ANKS1B: variants seen among roughly 807,000 people sequenced by gnomAD.
ANKS1B encodes the protein ankyrin repeat and sterile alpha motif domain-containing protein 1B.
A neutral mutation model predicts 148.3 loss-of-function variants in ANKS1B; 36 were observed. The ratio of observed to expected loss-of-function variants is 0.24; its 90% CI spans 0.19 to 0.32. The LOEUF (loss-of-function observed/expected upper bound fraction) is 0.32. Among genes scored for constraint, ANKS1B ranks in the 10% least tolerant of loss-of-function variants. ANKS1B has a pLI of 1.00. For missense variants in ANKS1B, 1,157 were observed against 1,542.6 expected (o/e 0.75, Z 4.19); for synonymous variants, 542 against 560.8 (o/e 0.97, Z 0.47).
chr12:99,260,020 T>G lies in ANKS1B; in HGVS notation c.1757-13156A>C, dbSNP rs11109784. 3.5e-3 allele frequency among the ~76,000 whole-genome samples: 536 copies of G among 152,278 alleles called. 17 individuals are homozygous for G. In the East Asian group the frequency reaches 0.066, roughly 19 times the overall value. On this transcript the variant is annotated intron_variant, in intron 12 of 26. Coordinates refer to ENST00000683438, the MANE Select transcript of ANKS1B (RefSeq NM_001352186.2). ...AATGTATTTCTTTGTAATACCACAG[T>G]CACTGTAACCATGTATTTTCCTCAT...
At chr12:99,497,571 T>C (rs2096616240) in intron 10 of ANKS1B, among the ~76,000 whole-genome samples, 1 of 152,166 alleles carries the variant, frequency 6.6e-6, no homozygotes, top group African/African-American at 2.4e-5. Context: ...TTGTCTTCCC[T>C]CTATGGGTGC....
intron 1 of ANKS1B, among the ~76,000 whole-genome samples, chr12:99,903,698 C>T (rs1004341366): frequency 6.6e-6 from 1 of 151,508 alleles, no homozygotes; most frequent in South Asian, 2.1e-4. Flanking sequence ...TACAAAGTTG[C>T]CAAATAAGAA....
At chr12:99,014,925 T>C (rs2099941505) in intron 17 of ANKS1B, among the ~76,000 whole-genome samples, 1 of 152,194 alleles carries the variant, frequency 6.6e-6, no homozygotes, top group Non-Finnish European at 1.5e-5. Context: ...GGTGTGAGTA[T>C]AAACTAGTTC....
At chr12:99,349,844 C>T (rs2091193693) in intron 12 of ANKS1B, among the ~76,000 whole-genome samples, 1 of 151,934 alleles carries the variant, frequency 6.6e-6, no homozygotes, top group African/African-American at 2.4e-5. Flanking sequence ...TAGAGAAATA[C>T]AGAACATTCT....
chr12:99,581,897 C>CAAAAAAAAAAAAA (rs369048602), intron 9 of ANKS1B, among the ~76,000 whole-genome samples: 9 of 60,240 alleles, frequency 1.5e-4, no homozygotes, highest in African/African-American at 2.3e-4. Context: ...GACTCCGTCT[C>CAAAAAAAAAAAAA]AAAAAAAAAA....
At chr12:98,951,468 T>A (rs2099854021) in intron 17 of ANKS1B, among the ~76,000 whole-genome samples, 1 of 152,214 alleles carries the variant, frequency 6.6e-6, no homozygotes, top group African/African-American at 2.4e-5. Flanking sequence ...TAAACCATCT[T>A]CAGCACAGCT....
rs1020796652 is a variant in ANKS1B at position 99,670,606 on chromosome 12, G to A, written c.1129-15396C>T. On this transcript the variant is annotated intron_variant, in intron 8 of 26. Coordinates refer to ENST00000683438, the MANE Select transcript of ANKS1B (RefSeq NM_001352186.2). ...ATGTCATAAACTCTGAACTCAAGGTGTAAAGACACATATCTATACATAACT... is the reference window on the plus strand; with the variant it reads ...ATGTCATAAACTCTGAACTCAAGGTATAAAGACACATATCTATACATAACT... Among the ~76,000 whole-genome samples, 6 of 152,108 alleles carry A rather than the reference G, an allele frequency of 3.9e-5. No homozygotes were observed. The South Asian group carries it at 1.0e-3, about 26-fold the overall frequency.
intron 12 of ANKS1B, among the ~76,000 whole-genome samples, chr12:99,362,934 C>T (rs574525199): frequency 1.8e-4 from 27 of 151,748 alleles, no homozygotes; most frequent in Non-Finnish European, 1.9e-4. Flanking sequence ...AGATAAATAC[C>T]CAAAGCAAGT....
chr12:99,849,032 G>C (rs2087220499), intron 1 of ANKS1B, among the ~76,000 whole-genome samples: 1 of 152,002 alleles, frequency 6.6e-6, no homozygotes, highest in Non-Finnish European at 1.5e-5. Flanking sequence ...TAGATACTGG[G>C]AAATAAAGAG....
chr12:99,426,834 C>T (rs554653201), intron 11 of ANKS1B, among the ~76,000 whole-genome samples: 1 of 152,188 alleles, frequency 6.6e-6, no homozygotes, highest in South Asian at 2.1e-4. Flanking sequence ...ACATTTGATC[C>T]TTGCTCCCCA....
At chr12:98,884,805 CAAAAAAAAAAAAA>C (rs35160751) in intron 17 of ANKS1B, among the ~76,000 whole-genome samples, 869 of 83,814 alleles carry the variant, frequency 0.01, 5 homozygotes, top group Non-Finnish European at 0.016. Flanking sequence ...GACTCCGTCT[CAAAAAAAAAAAAA>C]AAAAAAAGAA....
At chr12:99,018,853 G>C (rs2099944073) in intron 17 of ANKS1B, among the ~76,000 whole-genome samples, 1 of 152,188 alleles carries the variant, frequency 6.6e-6, no homozygotes, top group Admixed American at 6.5e-5. Flanking sequence ...TGAGGCAGGA[G>C]AATCATTTGA....
intron 12 of ANKS1B, among the ~76,000 whole-genome samples, chr12:99,285,085 C>T (rs571506743): frequency 1.3e-5 from 2 of 152,094 alleles, no homozygotes; most frequent in Non-Finnish European, 2.9e-5. Flanking sequence ...CCAAAAATTT[C>T]CTTTTACCCT....
chr12:99,694,126 A>G (rs2053544622), intron 8 of ANKS1B, among the ~76,000 whole-genome samples: 1 of 149,746 alleles, frequency 6.7e-6, no homozygotes, highest in African/African-American at 2.5e-5. Flanking sequence ...ATAATTTTCT[A>G]TAAAAGCATT....
intron 17 of ANKS1B, among the ~76,000 whole-genome samples, chr12:98,957,371 G>C (rs888854932): frequency 2.1e-5 from 3 of 144,852 alleles, no homozygotes; most frequent in African/African-American, 7.6e-5. Context: ...ATTTTGAGAC[G>C]GAGTCTCTCT....
intron 12 of ANKS1B, among the ~76,000 whole-genome samples, chr12:99,302,521 T>A (rs1011701602): frequency 1.3e-5 from 2 of 152,094 alleles, no homozygotes; most frequent in African/African-American, 4.8e-5. Flanking sequence ...TCAATAGAGA[T>A]CATGTTATTC....
intron 12 of ANKS1B, among the ~76,000 whole-genome samples, chr12:99,384,308 G>A (rs2093769627): frequency 6.6e-6 from 1 of 152,082 alleles, no homozygotes; most frequent in African/African-American, 2.4e-5. Flanking sequence ...TAACCACGGT[G>A]AGCCTACTCT....
chr12:99,749,816 A>T (rs2060937127), intron 8 of ANKS1B, among the ~76,000 whole-genome samples: 1 of 151,990 alleles, frequency 6.6e-6, no homozygotes, highest in African/African-American at 2.4e-5. Flanking sequence ...CTCAGGGTTT[A>T]AAGATTCTGG....
intron 9 of ANKS1B, among the ~76,000 whole-genome samples, chr12:99,604,881 T>C (rs1405230583): frequency 1.3e-5 from 2 of 150,358 alleles, no homozygotes; most frequent in African/African-American, 4.9e-5. Flanking sequence ...GGTTACATAC[T>C]TGTGAACAAA....
Sources: gnomAD v4.1 joint callset for allele counts (sites outside exome capture counted in the v4.1 genomes callset) on GRCh38, gnomAD v4.1.1 for gene constraint, MANE v1.5 for transcripts, NCBI Gene and HGNC (gene_info 2026-07-23, HGNC 2026-07-21) for gene names.